USO1: variants seen among roughly 807,000 people sequenced by gnomAD.
The protein encoded by USO1 is general vesicular transport factor p115.
Under a neutral mutation model 124.5 loss-of-function variants are expected in USO1, and 57 were observed. The observed-to-expected ratio is 0.46, with a 90% CI of 0.37 to 0.57. The LOEUF is 0.57. Ranked by LOEUF, USO1 falls within the 20% of genes least tolerant of loss-of-function variation. The pLI is 0.00. For synonymous variants in USO1, 369 were observed against 362.8 expected, an observed-to-expected ratio of 1.02 and a Z score of -0.19; for missense variants, 900 against 1,040.6, an observed-to-expected ratio of 0.86 and a Z score of 1.86.
chr4:75,744,335 A>G (rs1056332501), intron 1 of USO1, among the ~76,000 whole-genome samples: 1 of 152,212 alleles, frequency 6.6e-6, no homozygotes, highest in Non-Finnish European at 1.5e-5. Context: ...CCTAAACCCC[A>G]GAGTATATAC....
chr4:75,770,454 G>A lies in USO1; in HGVS notation c.311G>A (p.Arg104Lys). Residue 104 changes from arginine (R) to lysine (K), a missense_variant, in exon 5 of 24, where the codon AGA becomes AAA. Transcript: ENST00000514213. Reference sequence around the variant, plus strand: ...AATATTACAGAAGAAAATTCCACAAGACAGAGTGAAGATTTGGGAAGCCAA... The same window carrying A: ...AATATTACAGAAGAAAATTCCACAAAACAGAGTGAAGATTTGGGAAGCCAA... ...EEEEVEENSTRQSEDLGSQFT... is the reference protein window; with the variant it reads ...EEEEVEENSTKQSEDLGSQFT... The A allele has an allele frequency of 6.3e-7, 1 of 1,582,204 alleles. No individual in the cohort carries two copies. The highest frequency in any genetic ancestry group is 8.6e-7 in the Non-Finnish European group (1 of 1,163,516).
At chr4:75,745,039 A>C (rs1721083447) in intron 1 of USO1, 1 of 358,606 alleles carries the variant, frequency 2.8e-6, no homozygotes, top group Admixed American at 4.0e-5. Context: ...TATCCCTTCA[A>C]ATCTTTGCCC....
At chr4:75,781,258 A>T (rs1229035761) in intron 8 of USO1, among the ~76,000 whole-genome samples, 1 of 152,174 alleles carries the variant, frequency 6.6e-6, no homozygotes, top group East Asian at 1.9e-4. Context: ...TGAAAATGTG[A>T]TTGAATTTTT....
chr4:75,738,043 C>G, intron 1 of USO1, among the ~76,000 whole-genome samples: 1 of 151,186 alleles, frequency 6.6e-6, no homozygotes. Flanking sequence ...CCATGTTGGC[C>G]AGGCTGGTCT....
At chr4:75,791,306 C>T (rs1722525191) in intron 12 of USO1, among the ~76,000 whole-genome samples, 1 of 152,034 alleles carries the variant, frequency 6.6e-6, no homozygotes, top group African/African-American at 2.4e-5. Context: ...GGCAGATAAC[C>T]TAAGACCAGG....
intron 1 of USO1, among the ~76,000 whole-genome samples, chr4:75,729,490 C>A (rs1720568857): frequency 6.6e-6 from 1 of 152,108 alleles, no homozygotes; most frequent in Non-Finnish European, 1.5e-5. Context: ...CAGGTGCACG[C>A]CACCACGCCA....
chr4:75,766,800 A>G (rs1321168025), intron 4 of USO1, among the ~76,000 whole-genome samples: 1 of 152,234 alleles, frequency 6.6e-6, no homozygotes, highest in Non-Finnish European at 1.5e-5. Context: ...CCAAAGTAAC[A>G]TGGCTATTAA....
intron 1 of USO1, among the ~76,000 whole-genome samples, chr4:75,750,220 G>A (rs1721265495): frequency 6.6e-6 from 1 of 152,118 alleles, no homozygotes; most frequent in East Asian, 1.9e-4. Flanking sequence ...AATCACTTGA[G>A]CCCAGGAGTT....
At chr4:75,744,572 A>G (rs1721066793) in intron 1 of USO1, among the ~76,000 whole-genome samples, 1 of 152,128 alleles carries the variant, frequency 6.6e-6, no homozygotes, top group Non-Finnish European at 1.5e-5. Flanking sequence ...GGCACCCACC[A>G]TCACACCCAG....
At chr4:75,774,847 T>C in intron 8 of USO1, 51 bp downstream of exon 8, 1 of 1,591,006 alleles carries the variant, frequency 6.3e-7, no homozygotes, top group African/African-American at 1.3e-5. Context: ...CTCACTGACT[T>C]GTTAGGGTAT....
At chr4:75,805,614 G>C (rs190231701) in intron 19 of USO1, among the ~76,000 whole-genome samples, 1 of 152,010 alleles carries the variant, frequency 6.6e-6, no homozygotes, top group Non-Finnish European at 1.5e-5. Flanking sequence ...GGCTGAGGCA[G>C]GAGAATCTCT....
chr4:75,790,942 A>G lies in USO1; in HGVS notation c.1240+145A>G, dbSNP rs552840458. 1.9e-5 allele frequency: 21 copies of G among 1,118,024 alleles called. No individual in the cohort carries two copies. In the South Asian group the frequency reaches 4.1e-4, roughly 22 times the overall value. 69.3% of individuals were successfully genotyped at this position (1,118,024 alleles called of 1,614,324 possible). On this transcript the variant is annotated intron_variant, in intron 12 of 23. Transcript: ENST00000514213. ...AAAAAAACAAAAACACCTGAATTCT[A>G]AGGCCTGCAGGTAAATTTAGACAAC...
intron 8 of USO1, among the ~76,000 whole-genome samples, chr4:75,780,724 T>TGCA (rs1222883636): frequency 1.4e-5 from 2 of 146,982 alleles, no homozygotes; most frequent in Non-Finnish European, 3.0e-5. Flanking sequence ...CTCGGCTCAT[T>TGCA]GCAGCCTCTG....
chr4:75,737,983 A>C (rs912432497), intron 1 of USO1, among the ~76,000 whole-genome samples: 4 of 151,466 alleles, frequency 2.6e-5, no homozygotes, highest in African/African-American at 9.7e-5. Context: ...ATGTGCCATC[A>C]CACCCAGCCA....
intron 1 of USO1, among the ~76,000 whole-genome samples, chr4:75,729,470 G>T (rs1488228018): frequency 6.6e-6 from 1 of 152,078 alleles, no homozygotes; most frequent in East Asian, 1.9e-4. Context: ...CTCCCGAGCA[G>T]CTGGGACTAC....
intron 13 of USO1, among the ~76,000 whole-genome samples, chr4:75,798,537 T>G (rs557091708): frequency 6.6e-5 from 10 of 152,302 alleles, no homozygotes; most frequent in African/African-American, 2.4e-4. Flanking sequence ...ATGTAAAAAC[T>G]AAATTTGTAT....
At chr4:75,797,785 G>A (rs1577969070) in intron 13 of USO1, among the ~76,000 whole-genome samples, 3 of 151,970 alleles carry the variant, frequency 2.0e-5, no homozygotes, top group African/African-American at 7.2e-5. Context: ...GGGACTACAG[G>A]CGCGCGCCAC....
At chr4:75,771,233 G>T (rs1403736424) in intron 7 of USO1, 96 bp downstream of exon 7, 2 of 1,350,860 alleles carry the variant, frequency 1.5e-6, no homozygotes, top group Non-Finnish European at 2.0e-6. Context: ...ATTAGATTTA[G>T]AAAGCTGGAG....
chr4:75,730,560 C>G (rs536082235), intron 1 of USO1, among the ~76,000 whole-genome samples: 1 of 151,530 alleles, frequency 6.6e-6, no homozygotes, highest in Non-Finnish European at 1.5e-5. Context: ...CTTTATTTTC[C>G]TTTATTTCAT....
Sources: allele counts gnomAD v4.1 joint callset (sites outside exome capture counted in the v4.1 genomes callset), GRCh38; gene constraint gnomAD v4.1.1; transcripts MANE v1.5; gene names NCBI Gene and HGNC (gene_info 2026-07-23, HGNC 2026-07-21).